CRIM1: variants seen among roughly 807,000 people sequenced by gnomAD.
The protein encoded by CRIM1 is cysteine-rich motor neuron 1 protein.
In CRIM1, 32 loss-of-function variants were observed where a neutral mutation model predicts 116.4. That is an observed-to-expected ratio of 0.27 (90% confidence interval 0.21 to 0.37). The LOEUF is 0.37. Ranked by LOEUF, CRIM1 falls within the 10% of genes least tolerant of loss-of-function variation. The probability of loss-of-function intolerance (pLI) is 1.00; values close to 1 mark genes in which losing one functional copy is unlikely to be tolerated. For missense variants in CRIM1, 1,331 were observed against 1,354.8 expected, an observed-to-expected ratio of 0.98 and a Z score of 0.28; for synonymous variants, 590 against 509.2, an observed-to-expected ratio of 1.16 and a Z score of -2.13.
At chr2:36,527,677 T>C (rs971319218) in intron 13 of CRIM1, among the ~76,000 whole-genome samples, 3 of 152,228 alleles carry the variant, frequency 2.0e-5, no homozygotes, top group African/African-American at 7.2e-5. Flanking sequence ...ATATATAGCA[T>C]CTCTTTGGAA....
At chr2:36,541,646 G>T (rs1666950559) in intron 14 of CRIM1, among the ~76,000 whole-genome samples, 1 of 152,196 alleles carries the variant, frequency 6.6e-6, no homozygotes, top group Non-Finnish European at 1.5e-5. Flanking sequence ...GCCTCTGAAA[G>T]TAAAATATAT....
At chr2:36,454,303 T>C (rs951556118) in intron 4 of CRIM1, among the ~76,000 whole-genome samples, 18 of 152,144 alleles carry the variant, frequency 1.2e-4, no homozygotes, top group African/African-American at 4.3e-4. Flanking sequence ...ATGCCTTCCC[T>C]CTGTGCCCAC....
At chr2:36,436,761 A>G (rs112562713) in intron 2 of CRIM1, among the ~76,000 whole-genome samples, 11 of 152,334 alleles carry the variant, frequency 7.2e-5, no homozygotes, top group African/African-American at 2.4e-4. Flanking sequence ...GAAGTTAACA[A>G]AAGTAGAGAA....
Position 36,511,235 on chromosome 2 carries a change from C to A in CRIM1, c.1659-1038C>A, listed in dbSNP as rs890824863. Among the ~76,000 whole-genome samples the A allele has an allele frequency of 2.0e-5, 3 of 152,292 alleles. No homozygotes were observed. In the East Asian group the frequency reaches 5.8e-4, roughly 29 times the overall value. On this transcript the variant is annotated intron_variant, in intron 9 of 16. Coordinates refer to ENST00000280527, the MANE Select transcript of CRIM1 (RefSeq NM_016441.3). ...GGATTACAGGCATGAGCCACTGTGC[C>A]TGGCCTAGTGCTAGTAATTATAAGG...
At chr2:36,406,012 C>CT (rs1389061604) in intron 2 of CRIM1, among the ~76,000 whole-genome samples, 2 of 152,088 alleles carry the variant, frequency 1.3e-5, no homozygotes, top group African/African-American at 2.4e-5. Context: ...ATGTCTAAAA[C>CT]TTTATGTCTA....
chr2:36,547,943 C>T (rs1667467306), intron 16 of CRIM1, among the ~76,000 whole-genome samples: 1 of 152,052 alleles, frequency 6.6e-6, no homozygotes, highest in African/African-American at 2.4e-5. Context: ...TGTAATTTAC[C>T]ATCTGGTTAA....
intron 2 of CRIM1, among the ~76,000 whole-genome samples, chr2:36,431,338 G>A (rs1558576237): frequency 6.6e-6 from 1 of 151,970 alleles, no homozygotes; most frequent in Non-Finnish European, 1.5e-5. Context: ...TACTCTCCAA[G>A]GCAGTCTTGT....
chr2:36,538,461 T>A (rs1054300131), intron 14 of CRIM1, among the ~76,000 whole-genome samples: 1 of 152,188 alleles, frequency 6.6e-6, no homozygotes, highest in African/African-American at 2.4e-5. Flanking sequence ...TCATGTTTTC[T>A]CGCAGCATTA....
At chr2:36,366,823 C>T (rs961184204) in intron 1 of CRIM1, among the ~76,000 whole-genome samples, 1 of 152,178 alleles carries the variant, frequency 6.6e-6, no homozygotes, top group Admixed American at 6.5e-5. Context: ...TTTAAGACTG[C>T]GAAAGACCTG....
At chr2:36,456,392 C>G (rs984740655) in intron 4 of CRIM1, among the ~76,000 whole-genome samples, 1 of 152,194 alleles carries the variant, frequency 6.6e-6, no homozygotes, top group East Asian at 1.9e-4. Context: ...GGAAATTCCA[C>G]TCTGAAGTGG....
chr2:36,534,866 G>A (rs1666424660), intron 13 of CRIM1, among the ~76,000 whole-genome samples: 1 of 152,202 alleles, frequency 6.6e-6, no homozygotes, highest in Non-Finnish European at 1.5e-5. Flanking sequence ...CGGTAACACT[G>A]TTACTCAAAT....
intron 8 of CRIM1, among the ~76,000 whole-genome samples, chr2:36,503,978 C>T (rs1383410032): frequency 6.6e-6 from 1 of 152,086 alleles, no homozygotes; most frequent in Non-Finnish European, 1.5e-5. Context: ...TCAAGCGATC[C>T]TCCCACCTGA....
At chr2:36,479,355 C>T (rs1055485789) in intron 6 of CRIM1, 142 bp from the exon 7 acceptor site, 6 of 744,306 alleles carry the variant, frequency 8.1e-6, no homozygotes, top group Non-Finnish European at 1.3e-5. Flanking sequence ...AGAGACTCCT[C>T]ATGCAACCCT....
At chr2:36,460,372 G>A (rs1432434085) in intron 4 of CRIM1, among the ~76,000 whole-genome samples, 1 of 152,184 alleles carries the variant, frequency 6.6e-6, no homozygotes, top group African/African-American at 2.4e-5. Flanking sequence ...TGGTTGCTAA[G>A]GGCCGGAGAT....
chr2:36,404,070 G>C (rs1025231128), intron 2 of CRIM1, among the ~76,000 whole-genome samples: 2 of 152,142 alleles, frequency 1.3e-5, no homozygotes, highest in Non-Finnish European at 2.9e-5. Flanking sequence ...CACACCAAGA[G>C]TGATACCAAG....
intron 7 of CRIM1, among the ~76,000 whole-genome samples, chr2:36,484,933 A>G (rs1178989117): frequency 6.6e-6 from 1 of 152,214 alleles, no homozygotes; most frequent in African/African-American, 2.4e-5. Flanking sequence ...AGCAAAATCC[A>G]TGTTCTATCT....
chr2:36,471,221 C>G (rs1678487635), intron 5 of CRIM1, among the ~76,000 whole-genome samples: 1 of 152,100 alleles, frequency 6.6e-6, no homozygotes, highest in African/African-American at 2.4e-5. Flanking sequence ...AAACGACAAC[C>G]AGGGATTTAG....
intron 2 of CRIM1, among the ~76,000 whole-genome samples, chr2:36,417,924 A>G (rs528336014): frequency 2.0e-5 from 3 of 152,368 alleles, no homozygotes; most frequent in African/African-American, 7.2e-5. Context: ...AAGGATGAAC[A>G]GGATTTCAGT....
At chr2:36,363,084 C>T (rs1329299123) in intron 1 of CRIM1, among the ~76,000 whole-genome samples, 2 of 151,634 alleles carry the variant, frequency 1.3e-5, no homozygotes, top group African/African-American at 2.4e-5. Flanking sequence ...CCTGTAATCC[C>T]AGCTACTAGG....
Sources: gnomAD v4.1 joint callset for allele counts (sites outside exome capture counted in the v4.1 genomes callset) on GRCh38, gnomAD v4.1.1 for gene constraint, MANE v1.5 for transcripts, NCBI Gene and HGNC (gene_info 2026-07-23, HGNC 2026-07-21) for gene names.